GRHL2: variants seen among roughly 807,000 people sequenced by gnomAD.
GRHL2 encodes the protein grainyhead like transcription factor 2.
In GRHL2, 21 loss-of-function variants were observed where a neutral mutation model predicts 83.8. The observed-to-expected ratio is 0.25, with a 90% CI of 0.18 to 0.36. The LOEUF (loss-of-function observed/expected upper bound fraction) is 0.36, where lower values mean the gene tolerates loss of function less well. GRHL2 is among the 10% of genes least tolerant of loss of function. GRHL2 has a pLI of 1.00. For synonymous variants in GRHL2, 280 were observed against 278.9 expected, an observed-to-expected ratio of 1.00 and a Z score of -0.04; for missense variants, 623 against 781.8, an observed-to-expected ratio of 0.80 and a Z score of 2.42.
chr8:101,639,440 C>T (rs1813354301), intron 12 of GRHL2, among the ~76,000 whole-genome samples: 1 of 152,202 alleles, frequency 6.6e-6, no homozygotes, highest in East Asian at 1.9e-4. Context: ...CCATGACTCC[C>T]ATTTTATAAT....
intron 5 of GRHL2, among the ~76,000 whole-genome samples, 187 bp downstream of exon 5, chr8:101,570,581 T>A (rs973528000): frequency 5.3e-5 from 8 of 151,966 alleles, no homozygotes; most frequent in African/African-American, 1.9e-4. Context: ...TTGGACAATT[T>A]TCTGGGACCT....
intron 1 of GRHL2, among the ~76,000 whole-genome samples, chr8:101,500,708 G>A (rs925814746): frequency 1.3e-5 from 2 of 152,138 alleles, no homozygotes; most frequent in Admixed American, 6.5e-5. Context: ...ACGGAGTTTC[G>A]CCATTTTGGC....
intron 3 of GRHL2, among the ~76,000 whole-genome samples, chr8:101,556,694 T>C (rs1811494603): frequency 6.6e-6 from 1 of 152,196 alleles, no homozygotes; most frequent in South Asian, 2.1e-4. Context: ...CCCAAAGGAA[T>C]TCAGTGCTAA....
intron 8 of GRHL2, among the ~76,000 whole-genome samples, chr8:101,618,786 T>A (rs985119130): frequency 6.6e-6 from 1 of 152,024 alleles, no homozygotes; most frequent in Non-Finnish European, 1.5e-5. Context: ...AAGACAGATA[T>A]GTAAACAAAT....
chr8:101,495,703 C>T (rs958677154), intron 1 of GRHL2, among the ~76,000 whole-genome samples: 4 of 152,026 alleles, frequency 2.6e-5, no homozygotes, highest in Non-Finnish European at 4.4e-5. Flanking sequence ...TTCAGATAGG[C>T]GTAATAGAGG....
At chr8:101,637,176 A>G (rs1296227387) in intron 12 of GRHL2, among the ~76,000 whole-genome samples, 2 of 152,178 alleles carry the variant, frequency 1.3e-5, no homozygotes, top group Non-Finnish European at 2.9e-5. Context: ...CCTTTGAATA[A>G]CTAGCTGTTT....
At chr8:101,636,724 T>TATACAC in intron 11 of GRHL2, 173 bp from the exon 12 acceptor site, 1 of 482,426 alleles carries the variant, frequency 2.1e-6, no homozygotes, top group Non-Finnish European at 3.8e-6. Flanking sequence ...TCCTTAGAAA[T>TATACAC]ACACACACAC....
intron 7 of GRHL2, among the ~76,000 whole-genome samples, chr8:101,589,642 C>G (rs1044835075): frequency 3.3e-5 from 5 of 152,164 alleles, no homozygotes; most frequent in African/African-American, 1.2e-4. Flanking sequence ...GAGGGTGAAT[C>G]AAGCACATGT....
downstream of GRHL2, among the ~76,000 whole-genome samples, chr8:101,673,411 G>A (rs1165924610): frequency 7.9e-5 from 12 of 151,816 alleles, no homozygotes; most frequent in Non-Finnish European, 1.5e-5. Flanking sequence ...CCTAATCTCT[G>A]ATAAAACAGA....
chr8:101,605,703 G>A lies in GRHL2; in HGVS notation c.1098+6552G>A, dbSNP rs917016287. On this transcript the variant is annotated intron_variant, in intron 8 of 15. Transcript: ENST00000646743. Reference sequence around the variant, plus strand: ...GTCCATATCGTGCATATCATTGACCGGAACTGATGTGGGAGTGAAAACTCC... The same window carrying A: ...GTCCATATCGTGCATATCATTGACCAGAACTGATGTGGGAGTGAAAACTCC... 4.1e-4 allele frequency among the ~76,000 whole-genome samples: 62 copies of A among 152,238 alleles called. 2 individuals are homozygous for A. The highest frequency in any genetic ancestry group is 1.2e-3 in the African/African-American group (48 of 41,540).
chr8:101,505,887 T>C (rs1326805064), intron 1 of GRHL2, among the ~76,000 whole-genome samples: 1 of 151,846 alleles, frequency 6.6e-6, no homozygotes, highest in Admixed American at 6.6e-5. Context: ...AAAATACCCA[T>C]GTGGTCGAAT....
intron 2 of GRHL2, among the ~76,000 whole-genome samples, chr8:101,549,453 A>T (rs1811333307): frequency 6.6e-6 from 1 of 152,156 alleles, no homozygotes; most frequent in Non-Finnish European, 1.5e-5. Flanking sequence ...GAGACCAGTT[A>T]GCTGATTCAG....
chr8:101,659,568 C>T (rs953635528), intron 14 of GRHL2, among the ~76,000 whole-genome samples: 2 of 152,180 alleles, frequency 1.3e-5, no homozygotes, highest in South Asian at 2.1e-4. Context: ...TTGGCTATGT[C>T]TGGGGTTCTT....
rs1813688103 is a variant in GRHL2 at position 101,652,561 on chromosome 8, G to GGTGTGTGTGTGTGTGA, written c.1698+3062_1698+3063insGTGTGTGTGTGTGTGA. Among the ~76,000 whole-genome samples, 58 of 66,854 alleles carry GGTGTGTGTGTGTGTGA rather than the reference G, an allele frequency of 8.7e-4. 2 individuals carry two copies. The highest frequency in any genetic ancestry group is 3.7e-3 in the South Asian group (7 of 1,908). The allele number at this position is 66,854 out of a possible 152,430, so 43.9% of individuals were successfully genotyped here. ...TGTGTGTGTGTGGTGTGTATGTGTG[G>GGTGTGTGTGTGTGTGA]TGGTGTGTGTGTGGTGTGTGTGGTG... On this transcript the variant is annotated intron_variant, in intron 14 of 15. Coordinates refer to ENST00000646743, the MANE Select transcript of GRHL2 (RefSeq NM_024915.4).
chr8:101,514,090 A>T (rs1408694648), intron 1 of GRHL2, among the ~76,000 whole-genome samples: 1 of 151,898 alleles, frequency 6.6e-6, no homozygotes, highest in African/African-American at 2.4e-5. Context: ...TCTTCATCAG[A>T]TTTTACCTCT....
intron 1 of GRHL2, among the ~76,000 whole-genome samples, chr8:101,519,811 C>T (rs1810647017): frequency 2.0e-5 from 3 of 152,032 alleles, no homozygotes; most frequent in Admixed American, 1.3e-4. Flanking sequence ...GGCTTTCTCC[C>T]CCATCTACTC....
intron 2 of GRHL2, chr8:101,544,067 C>G (rs1184328682): frequency 6.4e-6 from 1 of 155,586 alleles, no homozygotes; most frequent in Admixed American, 6.3e-5. Flanking sequence ...GCCACAGTGT[C>G]CCTCCCACAA....
chr8:101,624,429 C>T (rs1226325422), intron 9 of GRHL2, among the ~76,000 whole-genome samples: 1 of 151,650 alleles, frequency 6.6e-6, no homozygotes. Context: ...CACAGTAGGA[C>T]AGTACACAGT....
chr8:101,534,994 C>A lies in GRHL2; in HGVS notation c.21-8247C>A, dbSNP rs551808824. Among the ~76,000 whole-genome samples, 104 of 152,324 alleles carry A rather than the reference C, an allele frequency of 6.8e-4. 1 individual carries two copies. The highest frequency in any genetic ancestry group is 9.7e-4 in the Non-Finnish European group (66 of 68,030). ...GTCTAGTGCTCTGCCAGGTACATCA[C>A]ATGCATTTCTCTCATTTAATTTATC... On this transcript the variant is annotated intron_variant, in intron 1 of 15. Transcript: ENST00000646743.
Sources: gnomAD v4.1 joint callset for allele counts (sites outside exome capture counted in the v4.1 genomes callset) on GRCh38, gnomAD v4.1.1 for gene constraint, MANE v1.5 for transcripts, NCBI Gene and HGNC (gene_info 2026-07-23, HGNC 2026-07-21) for gene names.